Variants in MAPKAPK3 observed in about 807,000 individuals in gnomAD.
MAPKAPK3 encodes MAPK activated protein kinase 3.
A neutral mutation model predicts 49.2 loss-of-function variants in MAPKAPK3; 35 were observed. The ratio of observed to expected loss-of-function variants is 0.71; its 90% CI spans 0.54 to 0.94. MAPKAPK3 has a LOEUF of 0.94. Among genes scored for constraint, MAPKAPK3 ranks in the 40% least tolerant of loss-of-function variants. MAPKAPK3 has a pLI of 0.00. For missense variants in MAPKAPK3, 398 were observed against 493.1 expected (o/e 0.81, Z 1.83); for synonymous variants, 178 against 188.7 (o/e 0.94, Z 0.46).
chr3:50,632,357 T>C (rs1014121320), intron 2 of MAPKAPK3, among the ~76,000 whole-genome samples: 1 of 152,282 alleles, frequency 6.6e-6, no homozygotes, highest in African/African-American at 2.4e-5. Flanking sequence ...TTTATAGTTA[T>C]GAACTTACAT....
In MAPKAPK3 at chr3:50,646,308, C is replaced by T. The variant is rs371191631; in HGVS notation, c.829+44C>T. On this transcript the variant is annotated intron_variant, in intron 8 of 10. Transcript: ENST00000621469. Reference sequence around the variant, plus strand: ...CCCAGCCTGACTCACCTGGCCCCTGCGGCTTTCATTCTGGGAAACATCACT... The same window carrying T: ...CCCAGCCTGACTCACCTGGCCCCTGTGGCTTTCATTCTGGGAAACATCACT... 1.1e-4 allele frequency: 185 copies of T among 1,609,598 alleles called. No individual in the cohort carries two copies. The African/African-American group carries it at 1.3e-3, about 12-fold the overall frequency.
chr3:50,640,657 C>A (rs949491360), intron 3 of MAPKAPK3, 152 bp downstream of exon 3: 2 of 964,952 alleles, frequency 2.1e-6, no homozygotes, highest in Non-Finnish European at 3.0e-6. Context: ...CAGCCGCAGG[C>A]CCTGCCTGTG....
At chr3:50,630,941 G>A (rs901428924) in intron 2 of MAPKAPK3, among the ~76,000 whole-genome samples, 1 of 152,230 alleles carries the variant, frequency 6.6e-6, no homozygotes, top group Non-Finnish European at 1.5e-5. Flanking sequence ...CTGTTGTCCT[G>A]TAGGGAGCGC....
intron 4 of MAPKAPK3, 77 bp from the exon 5 acceptor site, chr3:50,642,176 G>T: frequency 1.1e-6 from 1 of 937,478 alleles, no homozygotes. Flanking sequence ...CTGTTAGACT[G>T]TGTCCAGGAG....
At position 50,622,235 on chromosome 3, in the gene MAPKAPK3, C is replaced by T. The variant is rs551869538; in HGVS notation, c.219+4451C>T. 6.6e-5 allele frequency among the ~76,000 whole-genome samples: 10 copies of T among 152,298 alleles called. No individual in the cohort carries two copies. The South Asian group carries it at 2.1e-3, about 32-fold the overall frequency. ...CTCTGGAGACCAGGAGGAGATCTCACAGGGATTTGAGATTACACAGGGATG... is the reference window on the plus strand; with the variant it reads ...CTCTGGAGACCAGGAGGAGATCTCATAGGGATTTGAGATTACACAGGGATG... On this transcript the variant is annotated intron_variant, in intron 2 of 10. Coordinates refer to ENST00000621469, the MANE Select transcript of MAPKAPK3 (RefSeq NM_001243925.2).
At chr3:50,617,112 T>TGGGGGGG (rs1293236414), upstream of MAPKAPK3, 3 of 4,418 alleles carry the variant, frequency 6.8e-4, no homozygotes, top group Admixed American at 1.6e-3. Context: ...GAGGGGGGGG[T>TGGGGGGG]GGGGAGGGGG....
chr3:50,611,807 G>A (rs2032337367), upstream of MAPKAPK3: 3 of 990,198 alleles, frequency 3.0e-6, no homozygotes, highest in Non-Finnish European at 2.7e-6. Context: ...CTGCGAGGGC[G>A]AGGGGGGCGG....
At chr3:50,644,956 G>A (rs1037480907) in intron 6 of MAPKAPK3, among the ~76,000 whole-genome samples, 11 of 152,108 alleles carry the variant, frequency 7.2e-5, no homozygotes, top group Admixed American at 2.6e-4. Context: ...TGTGGGAGAC[G>A]GTCACTAAAG....
upstream of MAPKAPK3, chr3:50,611,654 C>A: frequency 6.7e-7 from 1 of 1,489,518 alleles, no homozygotes; most frequent in Non-Finnish European, 8.9e-7. Context: ...GGACCATGTC[C>A]CCGCGGCAGC....
At position 50,648,201 on chromosome 3, in the gene MAPKAPK3, C is replaced by G; in HGVS notation, c.*155C>G. 1.2e-6 allele frequency: 1 copy of G among 807,736 alleles called. No homozygotes were observed. The highest frequency in any genetic ancestry group is 1.9e-6 in the Non-Finnish European group (1 of 520,836). 50.0% of individuals were successfully genotyped at this position (807,736 alleles called of 1,614,324 possible). A position where few individuals can be genotyped will look rare whatever the true frequency, so the allele number is the denominator to read the frequency against. ...ACTCGGAACTTCAGGATGGAGGACCCTGACCCTAAACCTCCTTCAGATCTC... is the reference window on the plus strand; with the variant it reads ...ACTCGGAACTTCAGGATGGAGGACCGTGACCCTAAACCTCCTTCAGATCTC... On this transcript the variant is annotated 3_prime_UTR_variant, in exon 11 of 11. Transcript: ENST00000621469.
chr3:50,623,121 C>T (rs1413711078), intron 2 of MAPKAPK3, among the ~76,000 whole-genome samples: 3 of 152,224 alleles, frequency 2.0e-5, no homozygotes, highest in African/African-American at 7.2e-5. Context: ...TCAGATCAGC[C>T]TCTGCAGGGC....
chr3:50,638,422 G>A (rs1389071398), intron 2 of MAPKAPK3, among the ~76,000 whole-genome samples: 2 of 152,124 alleles, frequency 1.3e-5, no homozygotes, highest in Non-Finnish European at 2.9e-5. Context: ...GGAATTGTGC[G>A]GGCACTAACC....
chr3:50,622,167 A>G (rs927283153), intron 2 of MAPKAPK3, among the ~76,000 whole-genome samples: 2 of 152,188 alleles, frequency 1.3e-5, no homozygotes, highest in African/African-American at 4.8e-5. Context: ...TCAAAGCACA[A>G]CACAGAAGAG....
chr3:50,617,615 T>C lies in MAPKAPK3; in HGVS notation c.50T>C (p.Val17Ala). The change falls in exon 2 of 11, where the codon GTT (valine) becomes GCT (alanine). Residue 17 changes from valine to alanine, a missense_variant. By Grantham distance (64) the Val-to-Ala change is moderately conservative (BLOSUM62 0). Transcript: ENST00000621469. ...CAGGGGGGCCCTGTGCCCCCGCCAG[T>C]TGCACCCGGCGGACCCGGCTTGGGC... is the stretch of plus-strand genomic sequence containing the variant. ...EEQGGPVPPP[V>A]APGGPGLGGA... 6.2e-7 allele frequency: 1 copy of C among 1,604,694 alleles called. No individual in the cohort carries two copies. The highest frequency in any genetic ancestry group is 1.1e-5 in the South Asian group (1 of 90,876).
chr3:50,635,941 A>AC (rs1298552578), intron 2 of MAPKAPK3, among the ~76,000 whole-genome samples: 1 of 148,872 alleles, frequency 6.7e-6, no homozygotes, highest in East Asian at 2.0e-4. Context: ...AAAAAAAAAA[A>AC]AAAAACCAAA....
intron 2 of MAPKAPK3, among the ~76,000 whole-genome samples, chr3:50,620,528 C>T (rs919127530): frequency 4.6e-5 from 7 of 152,202 alleles, no homozygotes; most frequent in African/African-American, 1.4e-4. Flanking sequence ...TAACAGGAAG[C>T]CTGAAACTCA....
intron 2 of MAPKAPK3, among the ~76,000 whole-genome samples, chr3:50,628,040 C>A (rs774386948): frequency 1.7e-4 from 26 of 152,170 alleles, no homozygotes; most frequent in Non-Finnish European, 2.6e-4. Context: ...TTCCCTAGGG[C>A]CTCTGTGCCA....
chr3:50,637,489 G>T (rs1014228011), intron 2 of MAPKAPK3, among the ~76,000 whole-genome samples: 2 of 152,074 alleles, frequency 1.3e-5, no homozygotes, highest in Non-Finnish European at 2.9e-5. Flanking sequence ...GCAAAAAATA[G>T]CTGGGCGTGG....
At chr3:50,611,554 C>T, upstream of MAPKAPK3, 1 of 1,522,138 alleles carries the variant, frequency 6.6e-7, no homozygotes, top group Non-Finnish European at 8.8e-7. Flanking sequence ...TCCCAATGCC[C>T]GGCAGCTAGC....
Sources: allele counts gnomAD v4.1 joint callset (sites outside exome capture counted in the v4.1 genomes callset), GRCh38; gene constraint gnomAD v4.1.1; transcripts MANE v1.5; gene names NCBI Gene and HGNC (gene_info 2026-07-23, HGNC 2026-07-21).